Variants in WNK2 observed in about 807,000 individuals in gnomAD.
WNK2 encodes the protein WNK lysine deficient protein kinase 2.
In WNK2, 67 loss-of-function variants were observed where a neutral mutation model predicts 192.1. That is an observed-to-expected ratio of 0.35 (90% CI 0.29 to 0.43). WNK2 has a LOEUF of 0.43. Among genes scored for constraint, WNK2 ranks in the 20% least tolerant of loss-of-function variants. The pLI is 1.00. For missense variants in WNK2, 2,698 were observed against 3,089.7 expected (o/e 0.87, Z 3.01); for synonymous variants, 1,439 against 1,393.9 (o/e 1.03, Z -0.72).
chr9:93,246,631 C>G (rs1325704512), intron 7 of WNK2, among the ~76,000 whole-genome samples: 2 of 152,218 alleles, frequency 1.3e-5, no homozygotes, highest in Non-Finnish European at 2.9e-5. Flanking sequence ...GGGTCGCCAG[C>G]CTCCATTGGT....
chr9:93,200,797 A>G (rs575510727), intron 2 of WNK2, among the ~76,000 whole-genome samples: 1 of 152,270 alleles, frequency 6.6e-6, no homozygotes, highest in African/African-American at 2.4e-5. Context: ...AAGAGGGTTT[A>G]AAAGGGAGGC....
At chr9:93,305,303 G>T (rs1852327699) in intron 26 of WNK2, among the ~76,000 whole-genome samples, 1 of 152,200 alleles carries the variant, frequency 6.6e-6, no homozygotes, top group African/African-American at 2.4e-5. Flanking sequence ...TCCTAGCCTA[G>T]CCTGCATCAC....
rs1255962951 is a variant in WNK2 at position 93,185,258 on chromosome 9, C to A, written c.329C>A (p.Ala110Asp). The A allele has an allele frequency of 1.2e-5, 15 of 1,268,380 alleles. No homozygotes were observed. Among genetic ancestry groups the A allele is most frequent in the Middle Eastern group, 6.0e-4 (2 of 3,330 alleles). The allele number at this position is 1,268,380 out of a possible 1,614,324, so 78.6% of individuals were successfully genotyped here. Reference protein sequence around the residue: ...ALVAQPGAPGAPADAGPEPVG... With the variant: ...ALVAQPGAPGDPADAGPEPVG... ...GTAGCGCAGCCGGGAGCCCCCGGAG[C>A]CCCCGCGGACGCCGGCCCCGAGCCC... is the stretch of plus-strand genomic sequence containing the variant. The change falls in exon 2 of 30, where the codon GCC becomes GAC. Residue 110 changes from alanine to aspartate, a missense_variant. Physicochemically the swap from Ala to Asp is moderately radical, Grantham distance 126 (BLOSUM62 -2). Coordinates refer to ENST00000427277, the MANE Select transcript of WNK2 (RefSeq NM_006648.4).
At chr9:93,291,419 T>A (rs753791553) in intron 21 of WNK2, among the ~76,000 whole-genome samples, 1 of 152,190 alleles carries the variant, frequency 6.6e-6, no homozygotes, top group African/African-American at 2.4e-5. Flanking sequence ...AAGTGACCTT[T>A]CCTGGAGGTT....
In WNK2 at chr9:93,259,073, G is replaced by A. The variant is rs1179024789; in HGVS notation, c.2525G>A (p.Ser842Asn). 5 of 1,613,142 alleles carry A rather than the reference G, an allele frequency of 3.1e-6. No homozygotes were observed. Among genetic ancestry groups the A allele is most frequent in the Non-Finnish European group, 4.2e-6 (5 of 1,179,766 alleles). Residue 842 changes from serine to asparagine, a missense_variant, in exon 12 of 30, where the codon AGC (serine) becomes AAC (asparagine). Ser to Asn is a conservative substitution (Grantham distance 46). Coordinates refer to ENST00000427277, the MANE Select transcript of WNK2 (RefSeq NM_006648.4). This position sits in a 1 kb window ranked among gnomAD's most constrained non-coding sequence, Gnocchi z 4.8. ...TTCTCTCCAGCCGTGATCTTGCCGAGCCTCGCTGCCCCACTCCCCCCTGCG... is the reference window on the plus strand; with the variant it reads ...TTCTCTCCAGCCGTGATCTTGCCGAACCTCGCTGCCCCACTCCCCCCTGCG... ...QYFSPAVILP[S>N]LAAPLPPASP... is the part of the protein sequence containing the mutation.
intron 8 of WNK2, among the ~76,000 whole-genome samples, chr9:93,251,715 T>A (rs961992007): frequency 6.6e-6 from 1 of 152,138 alleles, no homozygotes; most frequent in African/African-American, 2.4e-5. Flanking sequence ...CTCAAAAAAA[T>A]AAATAAATAA....
intron 9 of WNK2, among the ~76,000 whole-genome samples, 160 bp downstream of exon 9, chr9:93,253,242 G>T (rs1453778340): frequency 6.6e-6 from 1 of 152,084 alleles, no homozygotes; most frequent in Non-Finnish European, 1.5e-5. Context: ...TTCCCCTGGG[G>T]AGACATTCAA....
At chr9:93,194,530 T>A (rs548424217) in intron 2 of WNK2, among the ~76,000 whole-genome samples, 1 of 152,320 alleles carries the variant, frequency 6.6e-6, no homozygotes, top group Non-Finnish European at 1.5e-5. Flanking sequence ...CCTACTAGAA[T>A]GGTCAAAATC....
At chr9:93,270,078 C>T (rs1456298460) in intron 19 of WNK2, among the ~76,000 whole-genome samples, 3 of 152,176 alleles carry the variant, frequency 2.0e-5, no homozygotes, top group African/African-American at 7.2e-5. Context: ...CTTGTGGCTT[C>T]AGCAGCTTCA....
At chr9:93,211,716 T>C (rs1834798034) in intron 2 of WNK2, among the ~76,000 whole-genome samples, 1 of 151,244 alleles carries the variant, frequency 6.6e-6, no homozygotes, top group African/African-American at 2.4e-5. Context: ...ACCATTCATC[T>C]ACTCATTCAC....
At chr9:93,302,836 T>C (rs956735864) in intron 26 of WNK2, among the ~76,000 whole-genome samples, 1 of 152,012 alleles carries the variant, frequency 6.6e-6, no homozygotes, top group Non-Finnish European at 1.5e-5. Flanking sequence ...CCCCTTGGCA[T>C]AGACTTCTCA....
At chr9:93,238,112 GC>G (rs998686709) in intron 5 of WNK2, 120 bp from the exon 6 acceptor site, 33 of 789,560 alleles carry the variant, frequency 4.2e-5, no homozygotes, top group Non-Finnish European at 6.8e-5. Flanking sequence ...AGTAGTTTGT[GC>G]AGGTTAAGTC....
chr9:93,233,285 C>T (rs1329970293), intron 4 of WNK2, among the ~76,000 whole-genome samples: 1 of 152,048 alleles, frequency 6.6e-6, no homozygotes, highest in African/African-American at 2.4e-5. Flanking sequence ...AAGTTCCCGG[C>T]GTCAGGCCCC....
chr9:93,249,705 A>G (rs1044774676), intron 8 of WNK2, among the ~76,000 whole-genome samples: 1 of 151,412 alleles, frequency 6.6e-6, no homozygotes, highest in Non-Finnish European at 1.5e-5. Context: ...CAATCTCCTG[A>G]CCTCGTGATC....
At chr9:93,184,596 GC>G in intron 1 of WNK2, among the ~76,000 whole-genome samples, 1 of 152,266 alleles carries the variant, frequency 6.6e-6, no homozygotes, top group African/African-American at 2.4e-5. Flanking sequence ...CTGGGCCAGG[GC>G]TGGGCAGGGC....
At chr9:93,244,133 T>C (rs539498772) in intron 7 of WNK2, among the ~76,000 whole-genome samples, 1 of 152,330 alleles carries the variant, frequency 6.6e-6, no homozygotes, top group South Asian at 2.1e-4. Context: ...ATGTTAGGTC[T>C]TAGAGGTGTT....
At chr9:93,201,899 G>A (rs1054775383) in intron 2 of WNK2, among the ~76,000 whole-genome samples, 10 of 152,216 alleles carry the variant, frequency 6.6e-5, no homozygotes, top group Admixed American at 3.9e-4. Flanking sequence ...ATGGGTTTCA[G>A]GCAGGCCCTT....
At chr9:93,253,870 C>A (rs967840990) in intron 9 of WNK2, among the ~76,000 whole-genome samples, 1 of 152,138 alleles carries the variant, frequency 6.6e-6, no homozygotes, top group South Asian at 2.1e-4. Flanking sequence ...AGAGGGGTTG[C>A]CCATGAGCCC....
intron 2 of WNK2, among the ~76,000 whole-genome samples, chr9:93,189,790 G>C (rs1268718175): frequency 2.0e-5 from 3 of 152,250 alleles, no homozygotes; most frequent in Non-Finnish European, 4.4e-5. Context: ...CGCAGCCTTA[G>C]GCCAGGGTTT....
Sources: gnomAD v4.1 joint callset for allele counts (sites outside exome capture counted in the v4.1 genomes callset) on GRCh38, gnomAD v4.1.1 for gene constraint, Gnocchi (gnomAD v3.1) non-coding constraint, MANE v1.5 for transcripts, NCBI Gene and HGNC (gene_info 2026-07-23, HGNC 2026-07-21) for gene names.